Variants in KLHL1 observed in about 807,000 individuals in gnomAD.
KLHL1 encodes kelch-like protein 1.
In KLHL1, 47 loss-of-function variants were observed where a neutral mutation model predicts 77.7. The observed-to-expected ratio is 0.60, with a 90% CI of 0.48 to 0.77. The LOEUF (loss-of-function observed/expected upper bound fraction) is 0.77, where lower values mean the gene tolerates loss of function less well. KLHL1 is among the 30% of genes least tolerant of loss of function. The pLI, the probability that KLHL1 is intolerant of heterozygous loss-of-function variation, is 0.00. For synonymous variants in KLHL1, 360 were observed against 325.2 expected (o/e 1.11, Z -1.15); for missense variants, 925 against 910.8 (o/e 1.02, Z -0.20).
intron 1 of KLHL1, among the ~76,000 whole-genome samples, chr13:69,978,648 G>A (rs991050354): frequency 2.6e-5 from 4 of 151,694 alleles, no homozygotes; most frequent in African/African-American, 7.3e-5. Context: ...CACCATGCCC[G>A]GCTCATTTTT....
intron 1 of KLHL1, among the ~76,000 whole-genome samples, chr13:70,070,877 T>C (rs1210970344): frequency 6.6e-6 from 1 of 151,820 alleles, no homozygotes; most frequent in Non-Finnish European, 1.5e-5. Flanking sequence ...TAAATGTAAA[T>C]TGCAAAACCT....
chr13:69,806,444 C>G (rs1877620872), intron 6 of KLHL1, among the ~76,000 whole-genome samples: 1 of 152,128 alleles, frequency 6.6e-6, no homozygotes, highest in South Asian at 2.1e-4. Flanking sequence ...TAAGTACATA[C>G]TCACACTGTA....
chr13:70,083,504 T>A (rs1887442727), intron 1 of KLHL1, among the ~76,000 whole-genome samples: 1 of 152,168 alleles, frequency 6.6e-6, no homozygotes, highest in Admixed American at 6.5e-5. Context: ...CTTATTAATT[T>A]TAGACTAGTG....
chr13:69,967,251 T>G (rs1884238211), intron 2 of KLHL1, among the ~76,000 whole-genome samples: 1 of 152,112 alleles, frequency 6.6e-6, no homozygotes, highest in African/African-American at 2.4e-5. Context: ...TCTGGAAAAT[T>G]TCACTCTCCT....
chr13:69,777,851 A>G (rs1875912839), intron 7 of KLHL1, among the ~76,000 whole-genome samples: 2 of 152,122 alleles, frequency 1.3e-5, no homozygotes, highest in African/African-American at 4.8e-5. Flanking sequence ...CTTGAATACA[A>G]TACCTTACTT....
At chr13:69,838,160 T>G (rs1230805301) in intron 6 of KLHL1, among the ~76,000 whole-genome samples, 2 of 151,664 alleles carry the variant, frequency 1.3e-5, no homozygotes, top group African/African-American at 4.8e-5. Flanking sequence ...GTGATTGAAA[T>G]AAGTTTTTTT....
intron 6 of KLHL1, chr13:69,803,126 ATAT>A (rs1435723012): frequency 6.6e-6 from 1 of 152,182 alleles, no homozygotes; most frequent in Non-Finnish European, 1.5e-5. Flanking sequence ...TTTAATTGAA[ATAT>A]TATTCTTAAA....
At chr13:69,900,605 A>C (rs1881820140) in intron 4 of KLHL1, among the ~76,000 whole-genome samples, 1 of 152,194 alleles carries the variant, frequency 6.6e-6, no homozygotes, top group African/African-American at 2.4e-5. Context: ...ACACAGTAAA[A>C]GTTTTACTGC....
At chr13:69,775,512 C>CA (rs563311289) in intron 7 of KLHL1, among the ~76,000 whole-genome samples, 2 of 152,032 alleles carry the variant, frequency 1.3e-5, no homozygotes, top group African/African-American at 2.4e-5. Context: ...TATCAGACCA[C>CA]AAAAAACAAG....
intron 1 of KLHL1, among the ~76,000 whole-genome samples, chr13:70,007,159 G>A (rs953776243): frequency 3.3e-5 from 5 of 151,890 alleles, no homozygotes; most frequent in African/African-American, 1.2e-4. Context: ...AACAAACCGT[G>A]ATAATACAAA....
chr13:69,910,346 G>A (rs958691293), intron 4 of KLHL1, among the ~76,000 whole-genome samples: 4 of 151,978 alleles, frequency 2.6e-5, no homozygotes, highest in East Asian at 1.9e-4. Flanking sequence ...TTTGCCTCTA[G>A]GTTAAGGCCC....
chr13:69,977,673 T>C (rs1884585565), intron 1 of KLHL1, among the ~76,000 whole-genome samples: 1 of 152,130 alleles, frequency 6.6e-6, no homozygotes, highest in Non-Finnish European at 1.5e-5. Flanking sequence ...TTTAATCGTA[T>C]AGAAACACCT....
At chr13:70,033,447 G>A (rs1376657397) in intron 1 of KLHL1, among the ~76,000 whole-genome samples, 1 of 151,116 alleles carries the variant, frequency 6.6e-6, no homozygotes, top group African/African-American at 2.4e-5. Flanking sequence ...CCACCACCAC[G>A]CCTGGCTAAT....
At chr13:69,929,571 T>C (rs952670054) in intron 4 of KLHL1, among the ~76,000 whole-genome samples, 2 of 151,864 alleles carry the variant, frequency 1.3e-5, no homozygotes, top group African/African-American at 2.4e-5. Context: ...TTTGAACATG[T>C]TTTTCCTTTA....
At chr13:69,724,909 G>A (rs1330481927) in intron 8 of KLHL1, among the ~76,000 whole-genome samples, 1 of 152,100 alleles carries the variant, frequency 6.6e-6, no homozygotes, top group African/African-American at 2.4e-5. Flanking sequence ...TATGCAGGAG[G>A]AATAAGTGAA....
In KLHL1 at chr13:69,737,847, G is replaced by A. The variant is rs571580626; in HGVS notation, c.1802+2547C>T. On this transcript the variant is annotated intron_variant, in intron 8 of 10. Coordinates refer to ENST00000377844, the MANE Select transcript of KLHL1 (RefSeq NM_020866.3). Reference sequence around the variant, plus strand: ...AGAGTAAGGGCAGCCCAGACGAGGGGGATTTTCCCCAGCACAGCACACCTG... The same window carrying A: ...AGAGTAAGGGCAGCCCAGACGAGGGAGATTTTCCCCAGCACAGCACACCTG... Among the ~76,000 whole-genome samples, 32 of 152,206 alleles carry A rather than the reference G, an allele frequency of 2.1e-4. No individual in the cohort carries two copies. In the South Asian group the frequency reaches 6.4e-3, roughly 31 times the overall value.
At chr13:69,767,544 CT>C (rs1875366940) in intron 7 of KLHL1, among the ~76,000 whole-genome samples, 1 of 151,924 alleles carries the variant, frequency 6.6e-6, no homozygotes, top group African/African-American at 2.4e-5. Context: ...AAAAATAAAA[CT>C]TTTAAAAACA....
intron 6 of KLHL1, among the ~76,000 whole-genome samples, chr13:69,823,434 T>C (rs540753527): frequency 1.3e-5 from 2 of 152,148 alleles, no homozygotes; most frequent in East Asian, 3.9e-4. Context: ...CTAAAGTCTA[T>C]ATATAAGCCA....
In KLHL1 at chr13:69,719,458, C is replaced by T. The variant is rs201683214; in HGVS notation, c.1926G>A (p.Val642=). The change falls in exon 9 of 11, where the codon GTG becomes GTA. Residue 642 remains valine, a synonymous_variant. Transcript: ENST00000377844. ...CATAAAGAAAACCGTCACATGTGGC[C>T]ACTCCGACACCCCCTCTCCTCTTAC... ...PMCKRRGGVG[V]ATCDGFLYAV... 5.6e-5 allele frequency: 90 copies of T among 1,613,430 alleles called. No individual in the cohort carries two copies. Among genetic ancestry groups the T allele is most frequent in the Non-Finnish European group, 6.7e-5 (79 of 1,179,760 alleles).
Sources: gnomAD v4.1 joint callset for allele counts (sites outside exome capture counted in the v4.1 genomes callset) on GRCh38, gnomAD v4.1.1 for gene constraint, MANE v1.5 for transcripts, NCBI Gene and HGNC (gene_info 2026-07-23, HGNC 2026-07-21) for gene names.